PDE10A: variants seen among roughly 807,000 people sequenced by gnomAD.
The protein encoded by PDE10A is cAMP and cAMP-inhibited cGMP 3',5'-cyclic phosphodiesterase 10A.
PDE10A carries 39 observed loss-of-function variants against 97.7 expected under a neutral mutation model. The ratio of observed to expected loss-of-function variants is 0.40; its 90% CI spans 0.31 to 0.52. The LOEUF (loss-of-function observed/expected upper bound fraction) is 0.52. Ranked by LOEUF, PDE10A falls within the 20% of genes least tolerant of loss-of-function variation. The pLI, the probability that PDE10A is intolerant of heterozygous loss-of-function variation, is 0.56. For missense variants in PDE10A, 731 were observed against 1,047.8 expected (o/e 0.70, Z 4.17); for synonymous variants, 371 against 376.8 (o/e 0.98, Z 0.18).
At chr6:165,885,395 A>G (rs1035783686) in intron 1 of PDE10A, among the ~76,000 whole-genome samples, 1 of 152,112 alleles carries the variant, frequency 6.6e-6, no homozygotes, top group Non-Finnish European at 1.5e-5. Context: ...ATCTCGTGAG[A>G]ACTCCTTCAC....
At chr6:165,906,201 C>G in intron 1 of PDE10A, among the ~76,000 whole-genome samples, 1 of 149,760 alleles carries the variant, frequency 6.7e-6, no homozygotes, top group East Asian at 2.0e-4. Flanking sequence ...AGCTTAAAGT[C>G]ACGTAAGACC....
intron 2 of PDE10A, among the ~76,000 whole-genome samples, chr6:165,529,547 A>G: frequency 6.6e-6 from 1 of 152,228 alleles, no homozygotes; most frequent in East Asian, 1.9e-4. Flanking sequence ...AGCTACGACC[A>G]CATGACCAGT....
chr6:165,953,004 G>A (rs1227928886), intron 1 of PDE10A, among the ~76,000 whole-genome samples: 2 of 152,184 alleles, frequency 1.3e-5, no homozygotes, highest in Non-Finnish European at 2.9e-5. Flanking sequence ...AAATTCTGAA[G>A]TGAAGCAGGG....
intron 1 of PDE10A, among the ~76,000 whole-genome samples, chr6:165,588,247 GGAGA>G (rs1158400811): frequency 6.6e-6 from 1 of 151,066 alleles, no homozygotes; most frequent in African/African-American, 2.4e-5. Context: ...GTAAACTGCT[GGAGA>G]GTGAGGGAAA....
At chr6:165,966,728 C>A (rs1784522957) in intron 1 of PDE10A, among the ~76,000 whole-genome samples, 1 of 152,194 alleles carries the variant, frequency 6.6e-6, no homozygotes, top group South Asian at 2.1e-4. Context: ...CCTCACGGTG[C>A]ATGCACTAAG....
chr6:165,623,017 C>T (rs186972740), intron 1 of PDE10A, among the ~76,000 whole-genome samples: 3 of 152,326 alleles, frequency 2.0e-5, no homozygotes, highest in African/African-American at 7.2e-5. Context: ...TCACCTTCTG[C>T]CATGAGTGTA....
chr6:165,882,406 A>G (rs1428066251), intron 1 of PDE10A, among the ~76,000 whole-genome samples: 1 of 152,230 alleles, frequency 6.6e-6, no homozygotes, highest in Non-Finnish European at 1.5e-5. Flanking sequence ...ACCATTGTGT[A>G]TTATAAAACC....
intron 9 of PDE10A, 87 bp from the exon 10 acceptor site, chr6:165,428,796 A>G (rs552373686): frequency 1.2e-5 from 7 of 562,784 alleles, no homozygotes; most frequent in African/African-American, 2.0e-5. Context: ...GGTTTTGTCT[A>G]CATTTAAATA....
intron 2 of PDE10A, among the ~76,000 whole-genome samples, chr6:165,497,360 A>G (rs73786616): frequency 8.2e-4 from 125 of 152,322 alleles, no homozygotes; most frequent in African/African-American, 2.9e-3. Context: ...CATAGTGTGA[A>G]CTGCACGTGT....
chr6:165,337,482 C>A (rs1295180503), intron 20 of PDE10A, among the ~76,000 whole-genome samples: 1 of 152,190 alleles, frequency 6.6e-6, no homozygotes, highest in African/African-American at 2.4e-5. Flanking sequence ...TGTGTTATTT[C>A]CATTTTTAAC....
At chr6:165,501,245 C>T (rs1780861321) in intron 2 of PDE10A, among the ~76,000 whole-genome samples, 1 of 152,152 alleles carries the variant, frequency 6.6e-6, no homozygotes, top group South Asian at 2.1e-4. Context: ...GCCACCCCTT[C>T]ATGGCATGAA....
intron 1 of PDE10A, among the ~76,000 whole-genome samples, chr6:165,688,093 C>T (rs1791171366): frequency 6.6e-6 from 1 of 152,238 alleles, no homozygotes; most frequent in Admixed American, 6.5e-5. Context: ...AAACATGCCA[C>T]AGGTGCCACG....
At chr6:165,559,621 G>A (rs1784426281) in intron 1 of PDE10A, among the ~76,000 whole-genome samples, 1 of 152,080 alleles carries the variant, frequency 6.6e-6, no homozygotes, top group South Asian at 2.1e-4. Flanking sequence ...TATCTTAGAG[G>A]ATAACCTTTT....
In PDE10A at chr6:165,806,778, C is replaced by T. The variant is rs892231796; in HGVS notation, c.-615+180751G>A. 1.1e-4 allele frequency among the ~76,000 whole-genome samples: 16 copies of T among 152,168 alleles called. No homozygotes were observed. The East Asian group carries it at 2.7e-3, about 26-fold the overall frequency. ...ATAGTGTGAACACAGATGTCAAGGA[C>T]CTCACACACTGAGGAGAAATCATCT... On this transcript the variant is annotated intron_variant, in intron 1 of 19. Coordinates refer to the PDE10A transcript ENST00000366882.
chr6:165,952,344 A>G (rs1286804440), intron 1 of PDE10A, among the ~76,000 whole-genome samples: 1 of 152,194 alleles, frequency 6.6e-6, no homozygotes, highest in Non-Finnish European at 1.5e-5. Context: ...CCATGCATAC[A>G]TTACGTATTA....
chr6:165,890,259 C>A (rs1438444041), intron 1 of PDE10A, among the ~76,000 whole-genome samples: 1 of 152,148 alleles, frequency 6.6e-6, no homozygotes, highest in African/African-American at 2.4e-5. Flanking sequence ...CTGTTTCTCT[C>A]TTTCCCACTT....
At chr6:165,575,194 C>A (rs1025509576) in intron 1 of PDE10A, among the ~76,000 whole-genome samples, 1 of 152,164 alleles carries the variant, frequency 6.6e-6, no homozygotes, top group African/African-American at 2.4e-5. Context: ...AGTCCCACCC[C>A]ACACTAGGTA....
chr6:165,387,299 C>T (rs1430822986), intron 17 of PDE10A, among the ~76,000 whole-genome samples: 3 of 152,270 alleles, frequency 2.0e-5, no homozygotes, highest in African/African-American at 2.4e-5. Context: ...CATTTACCTT[C>T]GTAGGCCTGA....
chr6:165,627,910 G>A (rs1287958702), intron 1 of PDE10A, among the ~76,000 whole-genome samples: 25 of 152,128 alleles, frequency 1.6e-4, no homozygotes, highest in Admixed American at 1.6e-3. Context: ...TAAAGCTGAA[G>A]CCACTTACTG....
Sources: gnomAD v4.1 joint callset for allele counts (sites outside exome capture counted in the v4.1 genomes callset) on GRCh38, gnomAD v4.1.1 for gene constraint, MANE v1.5 for transcripts, NCBI Gene and HGNC (gene_info 2026-07-23, HGNC 2026-07-21) for gene names.